Variants in TSHZ2 observed in about 807,000 individuals in gnomAD.
TSHZ2 encodes teashirt zinc finger homeobox 2, also known as teashirt homolog 2.
A neutral mutation model predicts 74.4 loss-of-function variants in TSHZ2; 21 were observed. The ratio of observed to expected loss-of-function variants is 0.28; its 90% CI spans 0.20 to 0.41. The LOEUF is 0.41. Ranked by LOEUF, TSHZ2 falls within the 10% of genes least tolerant of loss-of-function variation. The pLI is 1.00. For synonymous variants in TSHZ2, 540 were observed against 515.3 expected, an observed-to-expected ratio of 1.05 and a Z score of -0.65; for missense variants, 1,244 against 1,293.5, an observed-to-expected ratio of 0.96 and a Z score of 0.59.
At chr20:53,025,292 A>G (rs964122264) in intron 1 of TSHZ2, among the ~76,000 whole-genome samples, 1 of 152,134 alleles carries the variant, frequency 6.6e-6, no homozygotes, top group Non-Finnish European at 1.5e-5. Flanking sequence ...ATGGTTCATA[A>G]TTTTTGAAGA....
intron 1 of TSHZ2, among the ~76,000 whole-genome samples, chr20:53,011,632 A>C (rs1982854664): frequency 6.6e-6 from 1 of 152,206 alleles, no homozygotes. Flanking sequence ...AAATTAGGGT[A>C]GGAGCATAGT....
At chr20:53,207,074 C>T (rs879055016) in intron 1 of TSHZ2, among the ~76,000 whole-genome samples, 2 of 152,194 alleles carry the variant, frequency 1.3e-5, no homozygotes, top group Non-Finnish European at 2.9e-5. Flanking sequence ...ACTGTTGCTC[C>T]TGACCTGGCG....
intron 2 of TSHZ2, among the ~76,000 whole-genome samples, chr20:53,357,604 T>A (rs923747247): frequency 5.3e-5 from 8 of 152,230 alleles, no homozygotes; most frequent in Non-Finnish European, 1.2e-4. Context: ...CAAAATTTTT[T>A]AGAATTTTTT....
intron 2 of TSHZ2, among the ~76,000 whole-genome samples, chr20:53,283,772 C>T (rs1482625995): frequency 6.6e-6 from 1 of 152,150 alleles, no homozygotes; most frequent in Non-Finnish European, 1.5e-5. Context: ...CCTACCCAGT[C>T]ACACAAATGT....
intron 1 of TSHZ2, among the ~76,000 whole-genome samples, chr20:53,131,832 C>G (rs1180232144): frequency 4.4e-5 from 4 of 89,932 alleles, no homozygotes; most frequent in African/African-American, 9.0e-5. Flanking sequence ...CCCCCCCCCC[C>G]CCAAAAAAAA....
chr20:53,221,623 C>T (rs982153435), intron 1 of TSHZ2, among the ~76,000 whole-genome samples: 1 of 152,198 alleles, frequency 6.6e-6, no homozygotes, highest in Non-Finnish European at 1.5e-5. Flanking sequence ...CAACACCAAA[C>T]ACCTAAATCA....
intron 2 of TSHZ2, among the ~76,000 whole-genome samples, chr20:53,313,732 C>G (rs1438547120): frequency 6.6e-6 from 1 of 152,236 alleles, no homozygotes; most frequent in Non-Finnish European, 1.5e-5. Flanking sequence ...ACTTGACCCT[C>G]TTGGCCTCTG....
chr20:53,368,294 T>C (rs1326347875), intron 2 of TSHZ2, among the ~76,000 whole-genome samples: 6 of 150,548 alleles, frequency 4.0e-5, no homozygotes, highest in Admixed American at 6.6e-5. Context: ...ATGGTAATTT[T>C]TTGTTTGTTT....
chr20:53,329,592 A>G (rs1030209670), intron 2 of TSHZ2, among the ~76,000 whole-genome samples: 1 of 140,442 alleles, frequency 7.1e-6, no homozygotes, highest in Non-Finnish European at 1.5e-5. Flanking sequence ...AATCACCCAC[A>G]TGTGGGATTT....
intron 1 of TSHZ2, among the ~76,000 whole-genome samples, chr20:53,033,895 G>A (rs1485760491): frequency 6.6e-6 from 1 of 151,900 alleles, no homozygotes; most frequent in African/African-American, 2.4e-5. Context: ...CCTGACCGCA[G>A]GTGATCCTCC....
Position 53,482,344 on chromosome 20 carries a change from G to A in TSHZ2, c.*9-4800G>A, listed in dbSNP as rs1986175974. Among the ~76,000 whole-genome samples, 4 of 152,216 alleles carry A rather than the reference G, an allele frequency of 2.6e-5. No homozygotes were observed. The South Asian group carries it at 8.3e-4, about 32-fold the overall frequency. ...AGAAATTATGATCTCCTGAACTGCA[G>A]CATTGTGAAGTTGACACAAGGTGAA... On this transcript the variant is annotated intron_variant, in intron 2 of 2. Transcript: ENST00000371497.
chr20:53,227,353 T>A (rs114889351), intron 1 of TSHZ2, among the ~76,000 whole-genome samples: 169 of 152,270 alleles, frequency 1.1e-3, no homozygotes, highest in African/African-American at 4.0e-3. Context: ...GGGCACACAA[T>A]GGCAAGCGTT....
In TSHZ2 at chr20:53,171,212, C is replaced by T. The variant is rs1988193550; in HGVS notation, c.41-82287C>T. On this transcript the variant is annotated intron_variant, in intron 1 of 2. Transcript: ENST00000371497. The stretch of plus-strand genomic sequence containing the variant: ...CATAAAATGTGCTCTCAAGCGTGTC[C>T]CCTTTAAGAGACTCCAGAATTAAAT... 1.3e-5 allele frequency among the ~76,000 whole-genome samples: 2 copies of T among 152,160 alleles called. 1 individual carries two copies. Among genetic ancestry groups the T allele is most frequent in the African/African-American group, 4.8e-5 (2 of 41,442 alleles).
At chr20:53,258,907 T>C (rs1028020242) in intron 2 of TSHZ2, among the ~76,000 whole-genome samples, 4 of 152,174 alleles carry the variant, frequency 2.6e-5, no homozygotes, top group Non-Finnish European at 5.9e-5. Context: ...TGGGCGTGTA[T>C]GTATGTTTTG....
At chr20:53,262,006 TCTGTGAGGATCTTGAA>T (rs1193269054) in intron 2 of TSHZ2, among the ~76,000 whole-genome samples, 1 of 152,180 alleles carries the variant, frequency 6.6e-6, no homozygotes, top group African/African-American at 2.4e-5. Context: ...AGAGCTGCTC[TCTGTGAGGATCTTGAA>T]CTTGCCCTTC....
chr20:53,270,753 C>T (rs944389467), intron 2 of TSHZ2, among the ~76,000 whole-genome samples: 11 of 152,158 alleles, frequency 7.2e-5, no homozygotes, highest in African/African-American at 2.4e-4. Context: ...CAAATTGACA[C>T]TTCAAATGTG....
chr20:53,355,151 A>T (rs972144941), intron 2 of TSHZ2, among the ~76,000 whole-genome samples: 4 of 152,266 alleles, frequency 2.6e-5, no homozygotes, highest in Non-Finnish European at 5.9e-5. Context: ...CTTAAATTGT[A>T]ATTAGAAAGA....
intron 2 of TSHZ2, among the ~76,000 whole-genome samples, chr20:53,451,199 T>A (rs1984769382): frequency 6.6e-6 from 1 of 152,192 alleles, no homozygotes. Flanking sequence ...GATTCTTCTG[T>A]AGGACGAAAT....
intron 1 of TSHZ2, among the ~76,000 whole-genome samples, chr20:53,059,228 C>T (rs1984741002): frequency 6.6e-6 from 1 of 152,170 alleles, no homozygotes; most frequent in Non-Finnish European, 1.5e-5. Context: ...ATTAGTGAGA[C>T]TTTTAAGGCA....
Sources: allele counts gnomAD v4.1 joint callset (sites outside exome capture counted in the v4.1 genomes callset), GRCh38; gene constraint gnomAD v4.1.1; transcripts MANE v1.5; gene names NCBI Gene and HGNC (gene_info 2026-07-23, HGNC 2026-07-21).